Variants in EYS observed in about 807,000 individuals in gnomAD.
EYS encodes the protein protein eyes shut homolog.
EYS carries 250 observed loss-of-function variants against 282.1 expected under a neutral mutation model. The observed-to-expected ratio is 0.89, with a 90% confidence interval of 0.80 to 0.98. The LOEUF is 0.98. EYS is among the 50% of genes least tolerant of loss of function. EYS has a pLI of 0.00. For missense variants in EYS, 4,016 were observed against 3,709.0 expected, an observed-to-expected ratio of 1.08 and a Z score of -2.15; for synonymous variants, 1,355 against 1,282.9, an observed-to-expected ratio of 1.06 and a Z score of -1.20.
intron 31 of EYS, among the ~76,000 whole-genome samples, chr6:64,123,566 G>A (rs2150275752): frequency 6.6e-6 from 1 of 152,282 alleles, no homozygotes; most frequent in Non-Finnish European, 1.5e-5. Context: ...CTTGGTTTGG[G>A]AGAAAGACAG....
intron 8 of EYS, among the ~76,000 whole-genome samples, chr6:65,366,103 CT>C (rs1764905375): frequency 6.6e-6 from 1 of 151,626 alleles, no homozygotes; most frequent in African/African-American, 2.4e-5. Flanking sequence ...ACCCTTTTTC[CT>C]TCTCAAATGT....
chr6:65,238,262 A>G (rs147121151), intron 12 of EYS, among the ~76,000 whole-genome samples: 60 of 149,844 alleles, frequency 4.0e-4, no homozygotes, highest in African/African-American at 1.4e-3. Context: ...AATATAATAT[A>G]TATATAATAT....
intron 12 of EYS, among the ~76,000 whole-genome samples, chr6:65,115,129 C>T (rs1331620386): frequency 6.6e-6 from 1 of 152,100 alleles, no homozygotes; most frequent in Non-Finnish European, 1.5e-5. Context: ...TGCCTGCAAA[C>T]TTCCACAAAT....
At chr6:64,080,562 T>G (rs1052202709) in intron 32 of EYS, among the ~76,000 whole-genome samples, 6 of 152,322 alleles carry the variant, frequency 3.9e-5, no homozygotes, top group East Asian at 1.9e-4. Flanking sequence ...TTAGTTTAAT[T>G]ACATCCCATT....
chr6:65,322,876 C>T (rs1432529867), intron 11 of EYS, among the ~76,000 whole-genome samples: 1 of 150,568 alleles, frequency 6.6e-6, no homozygotes, highest in African/African-American at 2.4e-5. Flanking sequence ...TGTGTTCCAT[C>T]CATACCTCAG....
chr6:65,593,876 A>G (rs1765315158), intron 2 of EYS, among the ~76,000 whole-genome samples: 1 of 151,930 alleles, frequency 6.6e-6, no homozygotes, highest in Admixed American at 6.6e-5. Flanking sequence ...TGTACCAGGT[A>G]TTGTTCCAAA....
Position 63,900,297 on chromosome 6 carries a change from T to C in EYS, c.7056-35939A>G, listed in dbSNP as rs189356498. Among the ~76,000 whole-genome samples the C allele has an allele frequency of 1.6e-3, 241 of 152,328 alleles. 1 individual carries two copies. The highest frequency in any genetic ancestry group is 3.1e-3 in the Non-Finnish European group (209 of 68,028). On this transcript the variant is annotated intron_variant, in intron 35 of 42. Transcript: ENST00000503581. ...AGGTATATTAAAATATATACAGTTTTGGTGGTGCCTTGTTGGGAAATGCCC... is the reference window on the plus strand; with the variant it reads ...AGGTATATTAAAATATATACAGTTTCGGTGGTGCCTTGTTGGGAAATGCCC...
chr6:65,406,126 A>AATG (rs1483084104), intron 5 of EYS, among the ~76,000 whole-genome samples: 1 of 152,126 alleles, frequency 6.6e-6, no homozygotes, highest in African/African-American at 2.4e-5. Context: ...GTAAATGTAC[A>AATG]ATGGTATCTC....
intron 19 of EYS, among the ~76,000 whole-genome samples, chr6:64,831,475 C>T (rs1010664408): frequency 7.9e-5 from 12 of 151,824 alleles, no homozygotes; most frequent in Admixed American, 7.9e-4. Context: ...ATTTTCCTGT[C>T]TATAAATATC....
At chr6:65,189,716 A>C (rs544721769) in intron 12 of EYS, among the ~76,000 whole-genome samples, 1 of 151,856 alleles carries the variant, frequency 6.6e-6, no homozygotes, top group African/African-American at 2.4e-5. Context: ...TCATCACTTA[A>C]TGTTTATAAA....
chr6:64,426,221 C>T (rs1774403540), intron 28 of EYS, among the ~76,000 whole-genome samples: 1 of 152,208 alleles, frequency 6.6e-6, no homozygotes, highest in South Asian at 2.1e-4. Context: ...TATAGAGTGA[C>T]CATTGTCTCA....
rs927375571 is a variant in EYS at position 64,617,435 on chromosome 6, A to G, written c.3667T>C (p.Cys1223Arg). 1 of 1,549,258 alleles carries G rather than the reference A, an allele frequency of 6.5e-7. No individual in the cohort carries two copies. The highest frequency in any genetic ancestry group is 2.4e-5 in the East Asian group (1 of 40,884). Residue 1223 changes from cysteine (C) to arginine (R), a missense_variant, in exon 24 of 43, where the codon TGC becomes CGC. By Grantham distance (180) the Cys-to-Arg change is radical. Transcript: ENST00000503581. ...MENEPGSTCLCTPGFMTCSIG... is the reference protein window; with the variant it reads ...MENEPGSTCLRTPGFMTCSIG... ...ATCTTTACCATAAATCCAGGTGTGC[A>G]TAAACATGTCGAGCCAGGTTCATTC...
intron 22 of EYS, among the ~76,000 whole-genome samples, chr6:64,672,973 A>C (rs1769518796): frequency 1.3e-5 from 2 of 152,174 alleles, no homozygotes; most frequent in South Asian, 4.1e-4. Context: ...AGAGATCATT[A>C]AAATTTAGAA....
chr6:65,249,859 G>A (rs954097563), intron 12 of EYS, among the ~76,000 whole-genome samples: 13 of 151,960 alleles, frequency 8.6e-5, no homozygotes, highest in Non-Finnish European at 1.5e-4. Context: ...GATAAGCAAG[G>A]TAAACAAGGT....
At chr6:64,671,490 G>A (rs1441458934) in intron 22 of EYS, among the ~76,000 whole-genome samples, 3 of 152,014 alleles carry the variant, frequency 2.0e-5, no homozygotes, top group Admixed American at 6.6e-5. Context: ...TTTATAAGCC[G>A]CCCATGTATT....
chr6:64,010,121 G>T lies in EYS; in HGVS notation c.6726-10938C>A, dbSNP rs1768540142. ...GGCCCCTTGAGGTTATGAACCTGCTGTGCTGGCAGGGCTGAGATATTTCCA... is the reference window on the plus strand; with the variant it reads ...GGCCCCTTGAGGTTATGAACCTGCTTTGCTGGCAGGGCTGAGATATTTCCA... On this transcript the variant is annotated intron_variant, in intron 33 of 42. Coordinates refer to ENST00000503581, the MANE Select transcript of EYS (RefSeq NM_001142800.2). Among the ~76,000 whole-genome samples, 3 of 152,176 alleles carry T rather than the reference G, an allele frequency of 2.0e-5. 1 individual carries two copies. The South Asian group carries it at 6.2e-4, about 32-fold the overall frequency.
chr6:64,674,509 G>A (rs1194847975), intron 22 of EYS, among the ~76,000 whole-genome samples: 1 of 152,022 alleles, frequency 6.6e-6, no homozygotes, highest in Non-Finnish European at 1.5e-5. Flanking sequence ...GCAGTTCAGA[G>A]AGTTTCTTAA....
intron 31 of EYS, among the ~76,000 whole-genome samples, chr6:64,088,972 T>C (rs1772258337): frequency 6.6e-6 from 1 of 151,974 alleles, no homozygotes; most frequent in Admixed American, 6.6e-5. Flanking sequence ...TATTTCTTGG[T>C]ACCAGAAGAA....
chr6:65,001,460 G>A (rs72875987), intron 13 of EYS, among the ~76,000 whole-genome samples: 11,715 of 147,422 alleles, frequency 0.079, 1,822 homozygotes, highest in East Asian at 0.17. Context: ...GGAAGAGTCC[G>A]TTGGTCTGCC....
Sources: allele counts gnomAD v4.1 joint callset (sites outside exome capture counted in the v4.1 genomes callset), GRCh38; gene constraint gnomAD v4.1.1; transcripts MANE v1.5; gene names NCBI Gene and HGNC (gene_info 2026-07-23, HGNC 2026-07-21).